Variants in PRSS50 observed in about 807,000 individuals in gnomAD.
PRSS50 encodes probable threonine protease PRSS50.
Under a neutral mutation model 34.2 loss-of-function variants are expected in PRSS50, and 23 were observed. That is an observed-to-expected ratio of 0.67 (90% CI 0.48 to 0.95). The LOEUF is 0.95. PRSS50 is among the 40% of genes least tolerant of loss of function. PRSS50 has a pLI of 0.00. For synonymous variants in PRSS50, 224 were observed against 211.2 expected, an observed-to-expected ratio of 1.06 and a Z score of -0.53; for missense variants, 484 against 513.4, an observed-to-expected ratio of 0.94 and a Z score of 0.55.
rs1700656111 is a variant in PRSS50 at position 46,714,464 on chromosome 3, A to G, written c.508T>C (p.Trp170Arg). Residue 170 changes from tryptophan to arginine, a missense_variant, in exon 4 of 6, where the codon TGG (tryptophan) becomes CGG (arginine). By Grantham distance (101) the Trp-to-Arg change is moderately radical (BLOSUM62 -3). Transcript: ENST00000315170. Reference sequence around the variant, plus strand: ...GCGGTCTGCGTCATCTGGTCAATCCACGGACTCCCCACCCTCACTGAGTAG... The same window carrying G: ...GCGGTCTGCGTCATCTGGTCAATCCGCGGACTCCCCACCCTCACTGAGTAG... Reference protein sequence around the residue: ...VIYSVRVGSPWIDQMTQTASD... With the variant: ...VIYSVRVGSPRIDQMTQTASD... The G allele has an allele frequency of 1.9e-6, 3 of 1,606,438 alleles. No homozygotes were observed. The highest frequency in any genetic ancestry group is 1.3e-5 in the African/African-American group (1 of 74,670).
chr3:46,712,143 G>C lies in PRSS50; in HGVS notation c.*103C>G, dbSNP rs1700628630. 9.9e-7 allele frequency: 1 copy of C among 1,011,368 alleles called. No individual in the cohort carries two copies. The highest frequency in any genetic ancestry group is 1.6e-5 in the South Asian group (1 of 61,446). The allele number at this position is 1,011,368 out of a possible 1,614,324, so 62.6% of individuals were successfully genotyped here. A position where few individuals can be genotyped will look rare whatever the true frequency, so the allele number is the denominator to read the frequency against. On this transcript the variant is annotated 3_prime_UTR_variant, in exon 6 of 6. Transcript: ENST00000315170. ...ATGGAAAACAGTAATGTTTAATTGA[G>C]CACCTCATCTCCACCCTGACTCTCA...
chr3:46,717,828 G>C lies in PRSS50; in HGVS notation c.-4C>G. 1 of 1,498,256 alleles carries C rather than the reference G, an allele frequency of 6.7e-7. No homozygotes were observed. The highest frequency in any genetic ancestry group is 8.9e-7 in the Non-Finnish European group (1 of 1,125,876). The allele number at this position is 1,498,256 out of a possible 1,614,324, so 92.8% of individuals were successfully genotyped here. A position where few individuals can be genotyped will look rare whatever the true frequency, so the allele number is the denominator to read the frequency against. On this transcript the variant is annotated 5_prime_UTR_variant, in exon 1 of 6. Coordinates refer to ENST00000315170, the MANE Select transcript of PRSS50 (RefSeq NM_013270.5). This position sits in a 1 kb window ranked among gnomAD's most constrained non-coding sequence, Gnocchi z 4.5. ...CGGTCTGGCACCAGCGACCCATCCCGGGGTGGCAGCCGACTGCGTCTCTCC... is the reference window on the plus strand; with the variant it reads ...CGGTCTGGCACCAGCGACCCATCCCCGGGTGGCAGCCGACTGCGTCTCTCC...
Position 46,715,734 on chromosome 3 carries a change from C to T in PRSS50, c.308-37G>A. 2 of 1,533,730 alleles carry T rather than the reference C, an allele frequency of 1.3e-6. No homozygotes were observed. Among genetic ancestry groups the T allele is most frequent in the African/African-American group, 1.4e-5 (1 of 73,166 alleles). ...GGTGAGAGCTTGATGAGGGATGGATCTTTCCCTGTCCCTCCCCTCCCCCAG... is the reference window on the plus strand; with the variant it reads ...GGTGAGAGCTTGATGAGGGATGGATTTTTCCCTGTCCCTCCCCTCCCCCAG... On this transcript the variant is annotated intron_variant, in intron 2 of 5. Coordinates refer to ENST00000315170, the MANE Select transcript of PRSS50 (RefSeq NM_013270.5). This position sits in a 1 kb window ranked among gnomAD's most constrained non-coding sequence, Gnocchi z 5.2.
chr3:46,712,607 A>T, intron 5 of PRSS50, 125 bp from the exon 6 acceptor site: 1 of 926,950 alleles, frequency 1.1e-6, no homozygotes, highest in Non-Finnish European at 1.7e-6. Flanking sequence ...AACATAGGTG[A>T]GAAGTGCTCC....
intron 5 of PRSS50, 58 bp from the exon 6 acceptor site, chr3:46,712,540 C>G: frequency 1.1e-5 from 17 of 1,529,210 alleles, no homozygotes; most frequent in Non-Finnish European, 1.4e-5. Flanking sequence ...CAGAGACGAC[C>G]CAGCTCCAGG....
chr3:46,712,544 C>A, intron 5 of PRSS50, 62 bp from the exon 6 acceptor site: 1 of 1,504,194 alleles, frequency 6.6e-7, no homozygotes, highest in Admixed American at 1.7e-5. Context: ...GACGACCCAG[C>A]TCCAGGACAG....
Position 46,712,243 on chromosome 3 carries a change from G to C in PRSS50, c.*3C>G, listed in dbSNP as rs755827155. On this transcript the variant is annotated 3_prime_UTR_variant, in exon 6 of 6. Coordinates refer to ENST00000315170, the MANE Select transcript of PRSS50 (RefSeq NM_013270.5). ...GCCCACAAGTGAGGGAGGGCACACAGAGTCAGAGGGCAGCAAGGAGGCTGA... is the reference window on the plus strand; with the variant it reads ...GCCCACAAGTGAGGGAGGGCACACACAGTCAGAGGGCAGCAAGGAGGCTGA... The C allele has an allele frequency of 1.9e-5, 30 of 1,603,454 alleles. No homozygotes were observed. The highest frequency in any genetic ancestry group is 2.4e-5 in the Non-Finnish European group (28 of 1,174,766).
At chr3:46,714,180 C>T in intron 4 of PRSS50, 38 bp downstream of exon 4, 1 of 1,594,302 alleles carries the variant, frequency 6.3e-7, no homozygotes, top group Non-Finnish European at 8.6e-7. Flanking sequence ...CGTCCTTTCT[C>T]ACAGCACCCG....
rs761105933 is a variant in PRSS50 at position 46,714,312 on chromosome 3, A to G, written c.660T>C (p.Asn220=). 6.2e-7 allele frequency: 1 copy of G among 1,614,076 alleles called. No individual in the cohort carries two copies. ...CAGGCAGGCAGATGGGCCGCACGTA[A>G]TTGCTGTACTTGAGTTCCTGCTTGA... The part of the protein sequence containing the change: ...LKLKQELKYS[N]YVRPICLPGT... The change falls in exon 4 of 6, where the codon AAT becomes AAC. Residue 220 remains asparagine, a synonymous_variant. Coordinates refer to ENST00000315170, the MANE Select transcript of PRSS50 (RefSeq NM_013270.5).
At chr3:46,712,608 G>T in intron 5 of PRSS50, 126 bp from the exon 6 acceptor site, 1 of 919,240 alleles carries the variant, frequency 1.1e-6, no homozygotes, top group Non-Finnish European at 1.7e-6. Flanking sequence ...ACATAGGTGA[G>T]AAGTGCTCCA....
At position 46,717,408 on chromosome 3, in the gene PRSS50, C is replaced by T; in HGVS notation, c.307+29G>A. Reference sequence around the variant, plus strand: ...AAGACTCCTCTGTCACCCTCCTTGCCCCACGGAGTCTACACCCCTGGTACT... The same window carrying T: ...AAGACTCCTCTGTCACCCTCCTTGCTCCACGGAGTCTACACCCCTGGTACT... On this transcript the variant is annotated intron_variant, in intron 2 of 5. Coordinates refer to ENST00000315170, the MANE Select transcript of PRSS50 (RefSeq NM_013270.5). This position sits in a 1 kb window ranked among gnomAD's most constrained non-coding sequence, Gnocchi z 4.5. 6.2e-7 allele frequency: 1 copy of T among 1,609,340 alleles called. No homozygotes were observed. Among genetic ancestry groups the T allele is most frequent in the Non-Finnish European group, 8.5e-7 (1 of 1,176,290 alleles).
In PRSS50 at chr3:46,715,391, T is replaced by A. The variant is rs151309103; in HGVS notation, c.470+144A>T. 57 of 1,108,510 alleles carry A rather than the reference T, an allele frequency of 5.1e-5. No homozygotes were observed. The African/African-American group carries it at 8.7e-4, about 17-fold the overall frequency. The allele number at this position is 1,108,510 out of a possible 1,614,324, so 68.7% of individuals were successfully genotyped here. On this transcript the variant is annotated intron_variant, in intron 3 of 5. Transcript: ENST00000315170. The surrounding 1 kb of genome is among the most constrained non-coding windows in gnomAD (Gnocchi z 5.2). ...AAAGACTGGAGCTCTGAAGGAATTT[T>A]CAGGACTCAGCCTCCACCTGCTTGG...
Position 46,712,154 on chromosome 3 carries a change from C to G in PRSS50, c.*92G>C. ...TAATGTTTAATTGAGCACCTCATCT[C>G]CACCCTGACTCTCAGGGCTGTGACA... On this transcript the variant is annotated 3_prime_UTR_variant, in exon 6 of 6. Coordinates refer to ENST00000315170, the MANE Select transcript of PRSS50 (RefSeq NM_013270.5). The G allele has an allele frequency of 8.8e-7, 1 of 1,141,948 alleles. No individual in the cohort carries two copies. Among genetic ancestry groups the G allele is most frequent in the Non-Finnish European group, 1.3e-6 (1 of 799,758 alleles). 70.7% of individuals were successfully genotyped at this position (1,141,948 alleles called of 1,614,324 possible).
At position 46,713,020 on chromosome 3, in the gene PRSS50, G is replaced by T. The variant is rs1302198222; in HGVS notation, c.802C>A (p.Leu268Met). The T allele has an allele frequency of 2.5e-6, 4 of 1,614,064 alleles. No homozygotes were observed. In the African/African-American group the frequency reaches 5.3e-5, roughly 22 times the overall value. ...AAATTGTCACACTCTTTGTTGTTCA[G>T]GATGATGACTTCCTTCTCCTGAATG... ...RTIQEKEVII[L>M]NNKECDNFYH... is the part of the protein sequence containing the mutation. Residue 268 changes from leucine to methionine, a missense_variant, in exon 5 of 6, where the codon CTG (leucine) becomes ATG (methionine). Physicochemically the swap from Leu to Met is conservative, Grantham distance 15. Coordinates refer to ENST00000315170, the MANE Select transcript of PRSS50 (RefSeq NM_013270.5).
At chr3:46,713,154 C>T (rs1450326143) in intron 4 of PRSS50, 87 bp from the exon 5 acceptor site, 7 of 1,491,958 alleles carry the variant, frequency 4.7e-6, no homozygotes, top group South Asian at 2.5e-5. Flanking sequence ...CTGTTCCCCA[C>T]GTCCCACCTT....
rs1364779823 is a variant in PRSS50, at chr3:46,714,243, C to T, written c.729G>A (p.Thr243=). The change falls in exon 4 of 6, where the codon ACG becomes ACA. Residue 243 remains threonine, a synonymous_variant. Coordinates refer to ENST00000315170, the MANE Select transcript of PRSS50 (RefSeq NM_013270.5). ...CGTCAGCCTTGGAAAGTCCCCAGCC[C>T]GTCACAGTGCAGCGGGAATGGTCCT... is the stretch of plus-strand genomic sequence containing the variant. ...VLKDHSRCTV[T]GWGLSKADGM... 7.4e-6 allele frequency: 12 copies of T among 1,613,986 alleles called. No homozygotes were observed. Among genetic ancestry groups the T allele is most frequent in the African/African-American group, 5.3e-5 (4 of 74,930 alleles).
rs142097717 is a variant in PRSS50, at chr3:46,714,395, G to C, written c.577C>G (p.Arg193Gly). ...VLQVIMHSRY[R>G]AQRFWSWVGQ... The stretch of plus-strand genomic sequence containing the variant: ...ACCCAGGACCAGAACCGCTGGGCCC[G>C]GTACCTGCTATGCATGATGACCTGG... Residue 193 changes from arginine to glycine, a missense_variant, in exon 4 of 6, where the codon CGG (arginine) becomes GGG (glycine). Transcript: ENST00000315170. 1 of 1,613,378 alleles carries C rather than the reference G, an allele frequency of 6.2e-7. No homozygotes were observed. Among genetic ancestry groups the C allele is most frequent in the Non-Finnish European group, 8.5e-7 (1 of 1,179,748 alleles).
At position 46,717,699 on chromosome 3, in the gene PRSS50, A is replaced by G; in HGVS notation, c.106+20T>C. 1 of 1,596,020 alleles carries G rather than the reference A, an allele frequency of 6.3e-7. No homozygotes were observed. The highest frequency in any genetic ancestry group is 1.7e-5 in the Admixed American group (1 of 57,262). Reference sequence around the variant, plus strand: ...GAGGGCCGCGTCAGGCGGGTGGGGTAGGGATCGGGAGGGACTCACCTGCAG... The same window carrying G: ...GAGGGCCGCGTCAGGCGGGTGGGGTGGGGATCGGGAGGGACTCACCTGCAG... On this transcript the variant is annotated intron_variant, in intron 1 of 5. Transcript: ENST00000315170. The surrounding 1 kb of genome is among the most constrained non-coding windows in gnomAD (Gnocchi z 4.5).
At chr3:46,713,776 G>T (rs1025766593) in intron 4 of PRSS50, among the ~76,000 whole-genome samples, 1 of 152,232 alleles carries the variant, frequency 6.6e-6, no homozygotes, top group African/African-American at 2.4e-5. Context: ...CCACTGAGGG[G>T]AGGGGAAACC....
Sources: gnomAD v4.1 joint callset for allele counts (sites outside exome capture counted in the v4.1 genomes callset) on GRCh38, gnomAD v4.1.1 for gene constraint, Gnocchi (gnomAD v3.1) non-coding constraint, MANE v1.5 for transcripts, NCBI Gene and HGNC (gene_info 2026-07-23, HGNC 2026-07-21) for gene names.